The following PPP1R9A variants were observed in gnomAD, a reference collection of about 807,000 sequenced individuals.
PPP1R9A encodes the protein protein phosphatase 1 regulatory subunit 9A, also known as neurabin-1.
In PPP1R9A, 59 loss-of-function variants were observed where a neutral mutation model predicts 141.9. That is an observed-to-expected ratio of 0.42 (90% CI 0.34 to 0.52). The LOEUF is 0.52. Among genes scored for constraint, PPP1R9A ranks in the 20% least tolerant of loss-of-function variants. PPP1R9A has a pLI of 0.10. For missense variants in PPP1R9A, 1,444 were observed against 1,611.9 expected (o/e 0.90, Z 1.78); for synonymous variants, 500 against 569.7 (o/e 0.88, Z 1.74).
At chr7:95,026,593 T>C (rs932989596) in intron 2 of PPP1R9A, among the ~76,000 whole-genome samples, 2 of 152,176 alleles carry the variant, frequency 1.3e-5, no homozygotes, top group African/African-American at 4.8e-5. Context: ...GTCTGACCCT[T>C]AGTGGAACTC....
intron 2 of PPP1R9A, among the ~76,000 whole-genome samples, chr7:94,986,989 C>T (rs933035691): frequency 2.0e-5 from 3 of 152,062 alleles, no homozygotes; most frequent in African/African-American, 4.8e-5. Flanking sequence ...GTTCTCTTGT[C>T]GGGGTATGGA....
chr7:95,276,397 G>A (rs2153063090), intron 16 of PPP1R9A, among the ~76,000 whole-genome samples: 1 of 152,320 alleles, frequency 6.6e-6, no homozygotes, highest in Admixed American at 6.5e-5. Flanking sequence ...CTTGTCAAGG[G>A]CAGGTGGCCA....
At chr7:95,254,409 GT>G (rs1799298901) in intron 12 of PPP1R9A, among the ~76,000 whole-genome samples, 1 of 152,152 alleles carries the variant, frequency 6.6e-6, no homozygotes, top group African/African-American at 2.4e-5. Flanking sequence ...AATACTAGAG[GT>G]TTAGAAAGGA....
chr7:95,170,548 C>A (rs754035759), intron 5 of PPP1R9A, among the ~76,000 whole-genome samples: 3 of 151,272 alleles, frequency 2.0e-5, no homozygotes, highest in Non-Finnish European at 4.4e-5. Context: ...GTAGACTTTG[C>A]AGTAGAAATA....
Position 95,226,121 on chromosome 7 carries a change from G to A in PPP1R9A, c.2112+5G>A. 1 of 1,606,910 alleles carries A rather than the reference G, an allele frequency of 6.2e-7. No homozygotes were observed. On this transcript the variant is annotated splice_donor_5th_base_variant and intron_variant, in intron 8 of 19. Coordinates refer to ENST00000433360, the MANE Select transcript of PPP1R9A (RefSeq NM_001166160.2). ...CTCAGTCACAAGTTCAAAGAGGTAT[G>A]CCACTAAGCTGCAAAATATTTCTTT...
intron 2 of PPP1R9A, among the ~76,000 whole-genome samples, chr7:95,078,615 A>G (rs988520534): frequency 3.9e-5 from 6 of 152,070 alleles, no homozygotes; most frequent in Non-Finnish European, 7.4e-5. Flanking sequence ...AAAGTGTTCT[A>G]TTTCTCCACA....
intron 2 of PPP1R9A, among the ~76,000 whole-genome samples, chr7:95,079,219 C>T (rs1328129111): frequency 6.6e-6 from 1 of 152,182 alleles, no homozygotes; most frequent in Non-Finnish European, 1.5e-5. Flanking sequence ...GTTTTCCTAG[C>T]ACCATTTATT....
chr7:95,275,547 G>A (rs1162864882), intron 16 of PPP1R9A, among the ~76,000 whole-genome samples: 2 of 152,218 alleles, frequency 1.3e-5, no homozygotes, highest in Non-Finnish European at 2.9e-5. Flanking sequence ...TGCTCCTCCT[G>A]TGTAGATGTT....
intron 2 of PPP1R9A, among the ~76,000 whole-genome samples, chr7:95,107,763 T>C (rs539766483): frequency 1.3e-5 from 2 of 152,250 alleles, no homozygotes; most frequent in South Asian, 2.1e-4. Context: ...TCAAACTGCT[T>C]GTTAGTTTTC....
intron 7 of PPP1R9A, among the ~76,000 whole-genome samples, chr7:95,224,356 A>G (rs1337426942): frequency 6.6e-6 from 1 of 152,132 alleles, no homozygotes. Context: ...TTCTGAGCTT[A>G]CTTCTGTACA....
Position 95,247,483 on chromosome 7 carries a change from A to G in PPP1R9A, c.2123A>G (p.Lys708Arg). 1 of 1,608,324 alleles carries G rather than the reference A, an allele frequency of 6.2e-7. No homozygotes were observed. Among genetic ancestry groups the G allele is most frequent in the South Asian group, 1.1e-5 (1 of 90,416 alleles). The change falls in exon 9 of 20, where the codon AAA becomes AGA. Residue 708 changes from lysine to arginine, a missense_variant. Transcript: ENST00000433360. ...LSHKFKELQI[K>R]HAVTEAEIQK... ...CTTTTCAATTTTCAGTTGCAAATCA[A>G]ACATGCAGTTACAGAAGCAGAGATT...
chr7:94,993,688 G>C (rs1801799856), intron 2 of PPP1R9A, among the ~76,000 whole-genome samples: 1 of 151,920 alleles, frequency 6.6e-6, no homozygotes, highest in Non-Finnish European at 1.5e-5. Flanking sequence ...TCAATTTTCG[G>C]TGCTAGTATC....
intron 4 of PPP1R9A, among the ~76,000 whole-genome samples, chr7:95,145,835 C>G (rs1197341086): frequency 2.6e-5 from 4 of 152,122 alleles, no homozygotes; most frequent in African/African-American, 9.7e-5. Flanking sequence ...TTAACTCATC[C>G]TTTTGTATGG....
chr7:95,004,490 TTAAC>T (rs1803341480), intron 2 of PPP1R9A, among the ~76,000 whole-genome samples: 2 of 152,176 alleles, frequency 1.3e-5, no homozygotes, highest in South Asian at 2.1e-4. Flanking sequence ...CCTTTTTAAA[TTAAC>T]TAATCTATGA....
At chr7:94,941,988 T>G (rs569336853) in intron 2 of PPP1R9A, among the ~76,000 whole-genome samples, 1 of 152,226 alleles carries the variant, frequency 6.6e-6, no homozygotes, top group African/African-American at 2.4e-5. Flanking sequence ...GCACATATGG[T>G]TTGGTACATC....
intron 18 of PPP1R9A, among the ~76,000 whole-genome samples, chr7:95,286,688 A>G (rs1236387424): frequency 6.6e-6 from 1 of 152,016 alleles, no homozygotes; most frequent in African/African-American, 2.4e-5. Context: ...AGATTCTGAT[A>G]CTGCCTCTGA....
At chr7:95,252,792 A>G (rs1333357300) in intron 12 of PPP1R9A, among the ~76,000 whole-genome samples, 1 of 152,160 alleles carries the variant, frequency 6.6e-6, no homozygotes, top group African/African-American at 2.4e-5. Context: ...TTAAGTCACT[A>G]GAATAAAGAT....
chr7:95,212,145 A>C (rs1211538454), intron 7 of PPP1R9A, among the ~76,000 whole-genome samples: 1 of 152,150 alleles, frequency 6.6e-6, no homozygotes, highest in Non-Finnish European at 1.5e-5. Flanking sequence ...ATAGAATCAG[A>C]ATCTGCAGTT....
At chr7:95,237,968 A>G (rs1056981808) in intron 8 of PPP1R9A, among the ~76,000 whole-genome samples, 2 of 151,792 alleles carry the variant, frequency 1.3e-5, no homozygotes, top group Non-Finnish European at 2.9e-5. Flanking sequence ...GGTACATCAA[A>G]TTTTCATCTG....
Sources: allele counts gnomAD v4.1 joint callset (sites outside exome capture counted in the v4.1 genomes callset), GRCh38; gene constraint gnomAD v4.1.1; transcripts MANE v1.5; gene names NCBI Gene and HGNC (gene_info 2026-07-23, HGNC 2026-07-21).